The following VPS9D1 variants were observed in gnomAD, a reference collection of about 807,000 sequenced individuals.
VPS9D1 encodes the protein VPS9 domain-containing protein 1.
Under a neutral mutation model 75.8 loss-of-function variants are expected in VPS9D1, and 78 were observed. The observed-to-expected ratio is 1.03, with a 90% CI of 0.86 to 1.24. VPS9D1 has a LOEUF of 1.24. Among genes scored for constraint, VPS9D1 ranks in the 50% most tolerant of loss-of-function variants. The pLI is 0.00. For synonymous variants in VPS9D1, 481 were observed against 385.6 expected (o/e 1.25, Z -2.90); for missense variants, 1,057 against 847.7 (o/e 1.25, Z -3.07).
Position 89,719,041 on chromosome 16 carries a change from ACTT to A in VPS9D1, c.158_160del (p.Glu53del), listed in dbSNP as rs748842229. ...CTGAGCCGTACCTTTAGTGGTTTCC[ACTT>A]CTTCTAGTAACACCTGGGAGATATA... On this transcript the variant is annotated inframe_deletion, in exon 2 of 15. Coordinates refer to ENST00000389386, the MANE Select transcript of VPS9D1 (RefSeq NM_004913.3). 3.6e-5 allele frequency: 58 copies of A among 1,613,264 alleles called. No homozygotes were observed. The highest frequency in any genetic ancestry group is 2.2e-4 in the South Asian group (20 of 91,080).
At chr16:89,719,843 C>G (rs995783331) in intron 1 of VPS9D1, among the ~76,000 whole-genome samples, 1 of 152,148 alleles carries the variant, frequency 6.6e-6, no homozygotes, top group Non-Finnish European at 1.5e-5. Context: ...CTCAGCCTCC[C>G]AAGGAGCTAG....
At chr16:89,716,944 C>A in intron 2 of VPS9D1, 122 bp from the exon 3 acceptor site, 1 of 845,132 alleles carries the variant, frequency 1.2e-6, no homozygotes, top group East Asian at 3.2e-5. Context: ...CCCCACTGAC[C>A]CCGGGCAAGC....
intron 4 of VPS9D1, among the ~76,000 whole-genome samples, chr16:89,713,980 A>C (rs951541325): frequency 6.6e-6 from 1 of 152,048 alleles, no homozygotes; most frequent in African/African-American, 2.4e-5. Context: ...TCTGTCGCCC[A>C]GGCTGGAGTG....
intron 6 of VPS9D1, 83 bp downstream of exon 6, chr16:89,712,377 C>G (rs1436488729): frequency 1.3e-6 from 2 of 1,584,270 alleles, no homozygotes; most frequent in Non-Finnish European, 1.7e-6. Flanking sequence ...CCTCCGCTCC[C>G]CTCGCTGCCC....
intron 1 of VPS9D1, 166 bp downstream of exon 1, chr16:89,720,597 G>T (rs2061233738): frequency 1.6e-6 from 2 of 1,225,782 alleles, no homozygotes; most frequent in African/African-American, 3.2e-5. Flanking sequence ...CTGCACGCCC[G>T]GCTGCGCCCC....
At chr16:89,712,296 G>T in intron 6 of VPS9D1, 164 bp downstream of exon 6, 2 of 1,325,090 alleles carry the variant, frequency 1.5e-6, no homozygotes, top group Non-Finnish European at 2.1e-6. Flanking sequence ...GGGGACGGCG[G>T]CCGGGCCTTC....
chr16:89,717,963 C>T (rs1015968843), intron 2 of VPS9D1: 12 of 446,186 alleles, frequency 2.7e-5, no homozygotes, highest in East Asian at 7.1e-5. Flanking sequence ...GTGGCTCCCC[C>T]GACCTCTGTG....
intron 1 of VPS9D1, chr16:89,720,350 G>A: frequency 1.1e-6 from 1 of 917,280 alleles, no homozygotes; most frequent in Non-Finnish European, 1.3e-6. Context: ...CATCACAAAT[G>A]AGCAGGTATG....
chr16:89,715,103 C>T (rs1331391830), intron 4 of VPS9D1, among the ~76,000 whole-genome samples: 3 of 152,056 alleles, frequency 2.0e-5, no homozygotes, highest in Non-Finnish European at 2.9e-5. Flanking sequence ...GACCTTTTTT[C>T]CAATACATGA....
In VPS9D1 at chr16:89,711,931, C is replaced by A. The variant is rs770636061; in HGVS notation, c.698G>T (p.Arg233Leu). ...GGCGGCGTAAAGGGCCCGCTGCTCC[C>A]GTTCCTCCGGGGTCAGGGCGACTTG... The part of the protein sequence containing the change: ...CSQVALTPEE[R>L]EQRALYAAIL... Residue 233 changes from arginine to leucine, a missense_variant, in exon 8 of 15, where the codon CGG (arginine) becomes CTG (leucine). Transcript: ENST00000389386. 4 of 1,551,666 alleles carry A rather than the reference C, an allele frequency of 2.6e-6. No individual in the cohort carries two copies. Among genetic ancestry groups the A allele is most frequent in the East Asian group, 2.4e-5 (1 of 41,034 alleles).
Position 89,709,889 on chromosome 16 carries a change from TC to T in VPS9D1, c.1275del (p.Thr426ProfsTer8). Reference sequence around the variant, plus strand: ...TTTAGGCCTTCGAAGGCCAGAAGGGTCAGCGAGAGCAGCCTGTCTGCTAGGA... The same window carrying T: ...TTTAGGCCTTCGAAGGCCAGAAGGGTAGCGAGAGCAGCCTGTCTGCTAGGA... The part of the protein sequence containing the change: ...IHNAVDRLLS[L>X]TLLAFEGLNT... On this transcript the variant is annotated frameshift_variant, in exon 11 of 15. Coordinates refer to ENST00000389386, the MANE Select transcript of VPS9D1 (RefSeq NM_004913.3). LOFTEE classifies it high-confidence loss of function. 1.9e-6 allele frequency: 3 copies of T among 1,611,414 alleles called. No individual in the cohort carries two copies. The highest frequency in any genetic ancestry group is 1.7e-6 in the Non-Finnish European group (2 of 1,178,730).
chr16:89,709,329 G>C lies in VPS9D1; in HGVS notation c.1495C>G (p.Pro499Ala). Reference protein sequence around the residue: ...GIPTKLLPQNPEAKGATGYPY... With the variant: ...GIPTKLLPQNAEAKGATGYPY... ...TAGCCAGTGGCCCCCTTGGCCTCAG[G>C]GTTCTGGGGGAGGAGCTTGGTGGGG... Residue 499 changes from proline (P) to alanine (A), a missense_variant, in exon 12 of 15, where the codon CCT (proline) becomes GCT (alanine). Pro to Ala is a conservative substitution (Grantham distance 27). Transcript: ENST00000389386. 6.3e-7 allele frequency: 1 copy of C among 1,599,358 alleles called. No homozygotes were observed.
chr16:89,719,398 C>T (rs2061180493), intron 1 of VPS9D1: 1 of 530,080 alleles, frequency 1.9e-6, no homozygotes, highest in East Asian at 4.6e-5. Flanking sequence ...TTCTCTCCAG[C>T]ACAGGAACTG....
intron 2 of VPS9D1, 133 bp from the exon 3 acceptor site, chr16:89,716,955 C>A: frequency 1.3e-6 from 1 of 742,940 alleles, no homozygotes; most frequent in Non-Finnish European, 2.0e-6. Context: ...CCGGGCAAGC[C>A]CACTGCCCCC....
intron 4 of VPS9D1, 113 bp from the exon 5 acceptor site, chr16:89,712,829 AGAG>A: frequency 1.1e-6 from 1 of 919,104 alleles, no homozygotes; most frequent in East Asian, 2.9e-5. Flanking sequence ...GTGAGGAGAA[AGAG>A]GAGGGGAGCC....
intron 12 of VPS9D1, 133 bp downstream of exon 12, chr16:89,709,094 C>T (rs2060857315): frequency 5.4e-6 from 7 of 1,290,490 alleles, no homozygotes; most frequent in African/African-American, 3.2e-5. Context: ...GTTGCTCAGA[C>T]ACCACTTTTG....
Position 89,708,794 on chromosome 16 carries a change from C to A in VPS9D1, c.1697+63G>T, listed in dbSNP as rs986458749. On this transcript the variant is annotated intron_variant, in intron 13 of 14. Coordinates refer to ENST00000389386, the MANE Select transcript of VPS9D1 (RefSeq NM_004913.3). ...CTAAGGGGCAGGAAGATAGTCCCTCCCGTGACCATTGCCTTTCTAGGGCCC... is the reference window on the plus strand; with the variant it reads ...CTAAGGGGCAGGAAGATAGTCCCTCACGTGACCATTGCCTTTCTAGGGCCC... The A allele has an allele frequency of 3.4e-6, 5 of 1,454,594 alleles. No homozygotes were observed. In the Admixed American group the frequency reaches 1.0e-4, roughly 30 times the overall value. The allele number at this position is 1,454,594 out of a possible 1,614,324, so 90.1% of individuals were successfully genotyped here. A position where few individuals can be genotyped will look rare whatever the true frequency, so the allele number is the denominator to read the frequency against.
chr16:89,710,821 G>C lies in VPS9D1; in HGVS notation c.1023C>G (p.Ser341Arg). 6.5e-7 allele frequency: 1 copy of C among 1,535,374 alleles called. No individual in the cohort carries two copies. Among genetic ancestry groups the C allele is most frequent in the East Asian group, 2.5e-5 (1 of 40,534 alleles). The change falls in exon 10 of 15, where the codon AGC becomes AGG. Residue 341 changes from serine to arginine, a missense_variant. Physicochemically the swap from Ser to Arg is moderately radical, Grantham distance 110 (BLOSUM62 -1). Coordinates refer to ENST00000389386, the MANE Select transcript of VPS9D1 (RefSeq NM_004913.3). ...GACTGTCCTGGGGCCGCGGGGCTGC[G>C]CTGGGCTCGGGCGGGGACAGCATGC... ...LHCMLSPPEP[S>R]AAPRPQDSPP...
rs757522802 is a variant in VPS9D1 at position 89,712,602 on chromosome 16, C to T, written c.543+3G>A. The T allele has an allele frequency of 6.2e-7, 1 of 1,609,420 alleles. No homozygotes were observed. The highest frequency in any genetic ancestry group is 8.5e-7 in the Non-Finnish European group (1 of 1,178,228). On this transcript the variant is annotated splice_donor_region_variant and intron_variant, in intron 5 of 14. Transcript: ENST00000389386. ...CCCCAGGCCCTCCCTAGCCCCCACT[C>T]ACCAGGGATGTCTTCTGCATGGCCT...
Sources: allele counts gnomAD v4.1 joint callset (sites outside exome capture counted in the v4.1 genomes callset), GRCh38; gene constraint gnomAD v4.1.1; transcripts MANE v1.5; gene names NCBI Gene and HGNC (gene_info 2026-07-23, HGNC 2026-07-21).